The following GALC variants were observed in gnomAD, a reference collection of about 807,000 sequenced individuals.
GALC encodes galactosylceramidase.
GALC carries 77 observed loss-of-function variants against 91.8 expected under a neutral mutation model. The ratio of observed to expected loss-of-function variants is 0.84; its 90% CI spans 0.70 to 1.01. The LOEUF (loss-of-function observed/expected upper bound fraction) is 1.01. Among genes scored for constraint, GALC ranks in the 50% least tolerant of loss-of-function variants. The pLI, the probability that GALC is intolerant of heterozygous loss-of-function variation, is 0.00. For synonymous variants in GALC, 357 were observed against 306.7 expected, an observed-to-expected ratio of 1.16 and a Z score of -1.71; for missense variants, 882 against 855.9, an observed-to-expected ratio of 1.03 and a Z score of -0.38.
rs569460413 is a variant in GALC, at chr14:87,992,891, C to T, written c.195+79G>A. ...TGGAGCCGGTGGAAACGCAGGGCAA[C>T]GCCGCGGGGGCTTGTGGGGCTGGCC... On this transcript the variant is annotated intron_variant, in intron 1 of 16. Coordinates refer to ENST00000261304, the MANE Select transcript of GALC (RefSeq NM_000153.4). 53 of 1,429,324 alleles carry T rather than the reference C, an allele frequency of 3.7e-5. No homozygotes were observed. In the East Asian group the frequency reaches 1.5e-3, roughly 40 times the overall value. The allele number at this position is 1,429,324 out of a possible 1,614,324, so 88.5% of individuals were successfully genotyped here.
chr14:87,947,358 A>C (rs1373554362), intron 13 of GALC, among the ~76,000 whole-genome samples: 1 of 152,048 alleles, frequency 6.6e-6, no homozygotes, highest in African/African-American at 2.4e-5. Context: ...TCAGTTCACT[A>C]GCACTGCAGA....
intron 10 of GALC, among the ~76,000 whole-genome samples, chr14:87,958,811 G>A (rs1360074716): frequency 6.6e-6 from 1 of 152,056 alleles, no homozygotes; most frequent in Non-Finnish European, 1.5e-5. Flanking sequence ...GAACGAAACT[G>A]GACTCCTGTC....
upstream of GALC, chr14:87,993,281 G>C (rs1887318764): frequency 1.9e-6 from 3 of 1,539,722 alleles, no homozygotes; most frequent in African/African-American, 1.4e-5. Flanking sequence ...TGCGGGTCAA[G>C]GGCCTCTGAC....
chr14:87,992,455 A>T (rs4899931), intron 1 of GALC: 21 of 1,530,052 alleles, frequency 1.4e-5, no homozygotes, highest in Non-Finnish European at 1.7e-5. Context: ...GGAGGAGCCC[A>T]TTCTTACCCT....
intron 1 of GALC, among the ~76,000 whole-genome samples, chr14:87,990,730 A>C (rs915488704): frequency 2.0e-5 from 3 of 152,218 alleles, no homozygotes; most frequent in African/African-American, 7.2e-5. Context: ...CAAACACACC[A>C]ATCATGTTAT....
chr14:87,945,187 C>G (rs958016010), intron 14 of GALC, among the ~76,000 whole-genome samples: 1 of 151,880 alleles, frequency 6.6e-6, no homozygotes, highest in Non-Finnish European at 1.5e-5. Flanking sequence ...GATGGCAACA[C>G]CAGATCAACA....
intron 10 of GALC, among the ~76,000 whole-genome samples, chr14:87,960,171 C>T (rs1410928742): frequency 9.9e-5 from 15 of 151,218 alleles, no homozygotes; most frequent in African/African-American, 1.5e-4. Context: ...GGTCGGTCAA[C>T]GGGTACAAAG....
intron 1 of GALC, chr14:87,992,394 G>A (rs1312196863): frequency 6.5e-7 from 1 of 1,535,552 alleles, no homozygotes; most frequent in Non-Finnish European, 8.7e-7. Flanking sequence ...AAGAGACCTT[G>A]AGGCACCAGT....
intron 10 of GALC, among the ~76,000 whole-genome samples, chr14:87,961,538 G>C (rs932160129): frequency 2.0e-5 from 3 of 152,102 alleles, no homozygotes; most frequent in African/African-American, 7.2e-5. Flanking sequence ...AGTCATAACA[G>C]CCATGATGGG....
At chr14:87,983,611 G>A (rs140186920) in intron 5 of GALC, among the ~76,000 whole-genome samples, 1 of 152,306 alleles carries the variant, frequency 6.6e-6, no homozygotes, top group East Asian at 1.9e-4. Context: ...GCATGAAAAT[G>A]TTTAAGTATT....
chr14:87,968,331 T>C lies in GALC; in HGVS notation c.908+4A>G. ...AGAACTCTAAAAGGTTTTTAATAACTTACGAAGTCATATAGCCATTGATAT... is the reference window on the plus strand; with the variant it reads ...AGAACTCTAAAAGGTTTTTAATAACCTACGAAGTCATATAGCCATTGATAT... On this transcript the variant is annotated splice_donor_region_variant and intron_variant, in intron 8 of 16. Coordinates refer to ENST00000261304, the MANE Select transcript of GALC (RefSeq NM_000153.4). 6.2e-7 allele frequency: 1 copy of C among 1,607,930 alleles called. No individual in the cohort carries two copies. Among genetic ancestry groups the C allele is most frequent in the Non-Finnish European group, 8.5e-7 (1 of 1,177,054 alleles).
At position 87,992,985 on chromosome 14, in the gene GALC, C is replaced by CA; in HGVS notation, c.179_180insT (p.Val61GlyfsTer28). 6.5e-7 allele frequency: 1 copy of CA among 1,527,958 alleles called. No homozygotes were observed. The highest frequency in any genetic ancestry group is 1.9e-5 in the Admixed American group (1 of 51,974). The allele number at this position is 1,527,958 out of a possible 1,614,324, so 94.7% of individuals were successfully genotyped here. A position where few individuals can be genotyped will look rare whatever the true frequency, so the allele number is the denominator to read the frequency against. On this transcript the variant is annotated frameshift_variant, in exon 1 of 17. Coordinates refer to ENST00000261304, the MANE Select transcript of GALC (RefSeq NM_000153.4). LOFTEE classifies it high-confidence loss of function. ...TGCCGCTCACCCCGCCGCCGCTGAC[C>CA]GCGCCGATGCCGTCGAACTCCCGGC...
intron 8 of GALC, 106 bp downstream of exon 8, chr14:87,968,229 C>A: frequency 1.1e-6 from 1 of 929,974 alleles, no homozygotes; most frequent in South Asian, 1.6e-5. Flanking sequence ...AAAATGTTTA[C>A]AATCATTGAA....
chr14:87,979,230 T>C (rs1886640453), intron 6 of GALC, among the ~76,000 whole-genome samples: 1 of 152,016 alleles, frequency 6.6e-6, no homozygotes, highest in Non-Finnish European at 1.5e-5. Flanking sequence ...TTTCACCATG[T>C]TGGTCTGGCT....
intron 7 of GALC, among the ~76,000 whole-genome samples, chr14:87,971,903 G>A (rs1039362303): frequency 6.8e-6 from 1 of 147,824 alleles, no homozygotes; most frequent in African/African-American, 2.7e-5. Context: ...AGTTGAATAA[G>A]GCAGGAACGC....
In GALC at chr14:87,950,721, G is replaced by C; in HGVS notation, c.1189C>G (p.Pro397Ala). 6.2e-7 allele frequency: 1 copy of C among 1,603,600 alleles called. No homozygotes were observed. The highest frequency in any genetic ancestry group is 2.2e-5 in the East Asian group (1 of 44,464). The change falls in exon 11 of 17, where the codon CCA (proline) becomes GCA (alanine). Residue 397 changes from proline (P) to alanine (A), a missense_variant. Pro to Ala is a conservative substitution (Grantham distance 27). Coordinates refer to ENST00000261304, the MANE Select transcript of GALC (RefSeq NM_000153.4). ...GACACATTGAAATAAGGAAGAAATG[G>C]CCGTATGCACTTAGAATGTTTATGA... ...MSHKHSKCIRPFLPYFNVSQQ... is the reference protein window; with the variant it reads ...MSHKHSKCIRAFLPYFNVSQQ...
At position 87,972,677 on chromosome 14, in the gene GALC, G is replaced by A. The variant is rs116111842; in HGVS notation, c.752+3681C>T. Among the ~76,000 whole-genome samples the A allele has an allele frequency of 3.8e-3, 583 of 151,864 alleles. 3 individuals carry two copies. Among genetic ancestry groups the A allele is most frequent in the African/African-American group, 0.013 (541 of 41,432 alleles). On this transcript the variant is annotated intron_variant, in intron 7 of 16. Transcript: ENST00000261304. Reference sequence around the variant, plus strand: ...TTTGGAAATGAAGGCTAAACTAGAAGGAACATAAGACAGAACAGACACTGT... The same window carrying A: ...TTTGGAAATGAAGGCTAAACTAGAAAGAACATAAGACAGAACAGACACTGT...
At chr14:87,942,823 A>T (rs752612892) in intron 14 of GALC, among the ~76,000 whole-genome samples, 2 of 152,026 alleles carry the variant, frequency 1.3e-5, no homozygotes, top group Non-Finnish European at 2.9e-5. Flanking sequence ...ACTTTACAGG[A>T]AGATAAATGC....
At chr14:87,943,857 C>T (rs1270067477) in intron 14 of GALC, among the ~76,000 whole-genome samples, 3 of 151,914 alleles carry the variant, frequency 2.0e-5, no homozygotes, top group Non-Finnish European at 2.9e-5. Context: ...GAAAATAACA[C>T]ATAATAGATG....
Sources: allele counts gnomAD v4.1 joint callset (sites outside exome capture counted in the v4.1 genomes callset), GRCh38; gene constraint gnomAD v4.1.1; transcripts MANE v1.5; gene names NCBI Gene and HGNC (gene_info 2026-07-23, HGNC 2026-07-21).